The following NAT1 variants were observed in gnomAD, a reference collection of about 807,000 sequenced individuals.
NAT1 encodes the protein N-acetyltransferase 1.
For synonymous variants in NAT1, 144 were observed against 122.6 expected, an observed-to-expected ratio of 1.17 and a Z score of -1.16; for missense variants, 400 against 339.2, an observed-to-expected ratio of 1.18 and a Z score of -1.41.
At chr8:18,184,665 C>A (rs1239826842) in intron 2 of NAT1, among the ~76,000 whole-genome samples, 5 of 152,168 alleles carry the variant, frequency 3.3e-5, no homozygotes, top group African/African-American at 1.2e-4. Flanking sequence ...GAAACAATCT[C>A]CCATCCAACA....
intron 2 of NAT1, among the ~76,000 whole-genome samples, chr8:18,187,116 A>C (rs1163264354): frequency 6.6e-6 from 1 of 152,116 alleles, no homozygotes; most frequent in Non-Finnish European, 1.5e-5. Context: ...TAAATATAAG[A>C]ATAAACTTTT....
At chr8:18,215,730 T>C (rs1804591094) in intron 1 of NAT1, among the ~76,000 whole-genome samples, 1 of 152,202 alleles carries the variant, frequency 6.6e-6, no homozygotes, top group South Asian at 2.1e-4. Context: ...TATTTTGATT[T>C]TGTTAGTTCT....
chr8:18,178,722 A>G (rs1589051967), intron 2 of NAT1, among the ~76,000 whole-genome samples: 1 of 152,190 alleles, frequency 6.6e-6, no homozygotes, highest in Non-Finnish European at 1.5e-5. Flanking sequence ...AGGAAGGAGT[A>G]GATAAAATAT....
upstream of NAT1, among the ~76,000 whole-genome samples, chr8:18,209,059 C>G (rs1803862107): frequency 6.6e-6 from 1 of 152,198 alleles, no homozygotes; most frequent in South Asian, 2.1e-4. Flanking sequence ...GAGCATAATT[C>G]CACTGGACAA....
At chr8:18,213,147 A>T (rs1440615594) in intron 1 of NAT1, among the ~76,000 whole-genome samples, 1 of 151,432 alleles carries the variant, frequency 6.6e-6, no homozygotes, top group Non-Finnish European at 1.5e-5. Flanking sequence ...CCTGACCTCA[A>T]GTGATCCACT....
rs142372716 is a variant in NAT1, at chr8:18,177,013, T to G, written n.92+6274T>G. Among the ~76,000 whole-genome samples, 3 of 152,214 alleles carry G rather than the reference T, an allele frequency of 2.0e-5. No homozygotes were observed. The East Asian group carries it at 5.8e-4, about 29-fold the overall frequency. On this transcript the variant is annotated intron_variant and non_coding_transcript_variant, in intron 2 of 4. Coordinates refer to the NAT1 transcript ENST00000517441. ...TTATTTTTAAAATTTCTTTTCCAGA[T>G]AGTTTGTTATTAGTGTACAGAAACA...
intron 2 of NAT1, chr8:18,201,176 C>T (rs1232049843): frequency 6.6e-6 from 1 of 151,928 alleles, no homozygotes; most frequent in Non-Finnish European, 1.5e-5. Context: ...TAATGAAGGC[C>T]AAGGTGACAT....
upstream of NAT1, among the ~76,000 whole-genome samples, chr8:18,205,788 G>A (rs575989428): frequency 3.5e-4 from 54 of 152,306 alleles, 1 homozygote; most frequent in Middle Eastern, 3.4e-3. Context: ...TCGCAGGTTA[G>A]GTATAGTGTG....
At chr8:18,217,445 G>T (rs1477421051) in intron 1 of NAT1, among the ~76,000 whole-genome samples, 1 of 152,246 alleles carries the variant, frequency 6.6e-6, no homozygotes, top group Non-Finnish European at 1.5e-5. Context: ...AAGATGCTGT[G>T]CCTGGACAAA....
At position 18,203,478 on chromosome 8, in the gene NAT1, G is replaced by A. The variant is rs114125630; in HGVS notation, n.93-6303G>A. On this transcript the variant is annotated intron_variant and non_coding_transcript_variant, in intron 2 of 4. Transcript: ENST00000517441. ...TTTTAAGGTCACAAATGTTGCTTCT[G>A]TGACATTTTTGATACTTCTTTGACT... 8.4e-3 allele frequency among the ~76,000 whole-genome samples: 1,278 copies of A among 152,282 alleles called. 24 individuals carry two copies. Among genetic ancestry groups the A allele is most frequent in the African/African-American group, 0.029 (1,223 of 41,552 alleles).
intron 1 of NAT1, among the ~76,000 whole-genome samples, chr8:18,217,843 G>A (rs1225156910): frequency 6.6e-6 from 1 of 152,128 alleles, no homozygotes; most frequent in Non-Finnish European, 1.5e-5. Context: ...TGCAGGGGCT[G>A]GTGCAGGGAA....
upstream of NAT1, among the ~76,000 whole-genome samples, chr8:18,208,133 T>C (rs901186068): frequency 4.7e-5 from 7 of 149,236 alleles, no homozygotes; most frequent in African/African-American, 1.7e-4. Context: ...AGGGTGGGGG[T>C]ATGGGGAGGG....
At chr8:18,190,874 C>G (rs1422676265) in intron 2 of NAT1, among the ~76,000 whole-genome samples, 1 of 152,002 alleles carries the variant, frequency 6.6e-6, no homozygotes, top group Admixed American at 6.6e-5. Flanking sequence ...CCAGACCAGC[C>G]TGGCCAACAC....
chr8:18,222,887 G>A lies in NAT1; in HGVS notation c.840G>A (p.Val280=), dbSNP rs140926150. The A allele has an allele frequency of 1.2e-4, 189 of 1,573,566 alleles. No homozygotes were observed. Among genetic ancestry groups the A allele is most frequent in the Non-Finnish European group, 1.6e-4 (181 of 1,166,254 alleles). Residue 280 remains valine (V), a synonymous_variant, in exon 3 of 3, where the codon GTG becomes GTA. Transcript: ENST00000307719. Reference sequence around the variant, plus strand: ...ATATTTCCTTGCAGAGAAAGCTTGTGCCCAAACATGGTGATAGATTTTTTA... The same window carrying A: ...ATATTTCCTTGCAGAGAAAGCTTGTACCCAAACATGGTGATAGATTTTTTA... ...IFNISLQRKL[V]PKHGDRFFTI is the part of the protein sequence containing the mutation.
At chr8:18,195,471 C>G (rs1405111556) in intron 2 of NAT1, among the ~76,000 whole-genome samples, 1 of 139,764 alleles carries the variant, frequency 7.2e-6, no homozygotes, top group Non-Finnish European at 1.6e-5. Context: ...CCTGTAATAG[C>G]TGGACAAAGG....
chr8:18,219,393 C>A lies in NAT1; in HGVS notation c.-85-18C>A. 2 of 1,520,110 alleles carry A rather than the reference C, an allele frequency of 1.3e-6. No individual in the cohort carries two copies. The highest frequency in any genetic ancestry group is 8.9e-7 in the Non-Finnish European group (1 of 1,123,626). The allele number at this position is 1,520,110 out of a possible 1,614,324, so 94.2% of individuals were successfully genotyped here. ...AGTCATGTTATATATTTCTGACTGT[C>A]TTTTCTCTTATTTCTAGAATTCAAG... On this transcript the variant is annotated intron_variant, in intron 1 of 2. Transcript: ENST00000307719.
chr8:18,199,065 G>A (rs1455753397), intron 2 of NAT1, among the ~76,000 whole-genome samples: 6 of 151,792 alleles, frequency 4.0e-5, no homozygotes, highest in South Asian at 2.1e-4. Flanking sequence ...TGTAATTCCA[G>A]CACTTTGGGA....
chr8:18,184,703 G>A (rs1449468746), intron 2 of NAT1, among the ~76,000 whole-genome samples: 1 of 152,180 alleles, frequency 6.6e-6, no homozygotes, highest in Non-Finnish European at 1.5e-5. Flanking sequence ...CTAACAAGAG[G>A]TGTTTAGGTC....
At chr8:18,200,449 C>A (rs947123693) in intron 2 of NAT1, among the ~76,000 whole-genome samples, 4 of 152,146 alleles carry the variant, frequency 2.6e-5, no homozygotes, top group Admixed American at 6.6e-5. Context: ...AAACATAATA[C>A]CACATGTTCT....
Sources: allele counts gnomAD v4.1 joint callset (sites outside exome capture counted in the v4.1 genomes callset), GRCh38; gene constraint gnomAD v4.1.1; transcripts MANE v1.5; gene names NCBI Gene and HGNC (gene_info 2026-07-23, HGNC 2026-07-21).